The following TRPC3 variants were observed in gnomAD, a reference collection of about 807,000 sequenced individuals.
TRPC3 encodes short transient receptor potential channel 3.
Under a neutral mutation model 90.9 loss-of-function variants are expected in TRPC3, and 54 were observed. That is an observed-to-expected ratio of 0.59 (90% CI 0.48 to 0.75). The LOEUF is 0.75. Among genes scored for constraint, TRPC3 ranks in the 30% least tolerant of loss-of-function variants. The pLI is 0.00. For synonymous variants in TRPC3, 424 were observed against 450.9 expected, an observed-to-expected ratio of 0.94 and a Z score of 0.75; for missense variants, 918 against 1,194.5, an observed-to-expected ratio of 0.77 and a Z score of 3.41.
At chr4:121,924,917 G>T in intron 3 of TRPC3, 101 bp downstream of exon 3, 1 of 1,287,018 alleles carries the variant, frequency 7.8e-7, no homozygotes. Flanking sequence ...CAGCCTACTA[G>T]CGTCTAGTCT....
chr4:121,890,103 T>A (rs1305592560), intron 10 of TRPC3, among the ~76,000 whole-genome samples: 2 of 152,178 alleles, frequency 1.3e-5, no homozygotes, highest in Non-Finnish European at 2.9e-5. Flanking sequence ...ATATGTGACA[T>A]CTTAAAAAGT....
At chr4:121,898,884 CTT>C (rs1230791299) in intron 10 of TRPC3, among the ~76,000 whole-genome samples, 1 of 151,910 alleles carries the variant, frequency 6.6e-6, no homozygotes, top group Non-Finnish European at 1.5e-5. Flanking sequence ...AAAAAAAAGA[CTT>C]TGACAATCAG....
At position 121,914,961 on chromosome 4, in the gene TRPC3, A is replaced by AGTTTGAGAAGG. The variant is rs778103857; in HGVS notation, c.1177-28_1177-18dup. 2.5e-6 allele frequency: 4 copies of AGTTTGAGAAGG among 1,579,316 alleles called. No individual in the cohort carries two copies. On this transcript the variant is annotated splice_polypyrimidine_tract_variant and intron_variant, in intron 3 of 11. Coordinates refer to ENST00000379645, the MANE Select transcript of TRPC3 (RefSeq NM_001130698.2). The stretch of plus-strand genomic sequence containing the variant: ...AGCCACAAACTATTGGGAGAGAGAG[A>AGTTTGAGAAGG]GTTTGAGAAGGGGAGAGAAAGGTAA...
chr4:121,921,113 G>A lies in TRPC3; in HGVS notation c.1176+3905C>T, dbSNP rs541686920. Among the ~76,000 whole-genome samples the A allele has an allele frequency of 2.1e-4, 32 of 152,238 alleles. 1 individual carries two copies. In the South Asian group the frequency reaches 2.3e-3, roughly 11 times the overall value. On this transcript the variant is annotated intron_variant, in intron 3 of 11. Transcript: ENST00000379645. ...TGTCCTTGAGTTCTGTAAGGCCTGT[G>A]TTGAACTCATGCCTTGATTTCTAGG...
chr4:121,935,370 T>C (rs1057378035), intron 1 of TRPC3, among the ~76,000 whole-genome samples: 3 of 151,506 alleles, frequency 2.0e-5, no homozygotes, highest in African/African-American at 4.9e-5. Flanking sequence ...GTGTGGTATG[T>C]GTGGGAGACA....
intron 10 of TRPC3, 34 bp downstream of exon 10, chr4:121,899,576 CAT>C (rs1224634545): frequency 2.6e-6 from 4 of 1,550,826 alleles, no homozygotes; most frequent in Non-Finnish European, 3.6e-6. Context: ...TATGGAATCA[CAT>C]AGAGATCAAG....
intron 3 of TRPC3, among the ~76,000 whole-genome samples, chr4:121,921,042 T>C (rs1319866008): frequency 6.6e-6 from 1 of 152,220 alleles, no homozygotes; most frequent in Non-Finnish European, 1.5e-5. Context: ...TTCACGGTCA[T>C]GTATCTCCTA....
intron 10 of TRPC3, among the ~76,000 whole-genome samples, chr4:121,890,724 G>C (rs556482622): frequency 2.6e-5 from 4 of 151,936 alleles, no homozygotes; most frequent in African/African-American, 9.7e-5. Flanking sequence ...AGGTGCAGTG[G>C]CTCATGCCTG....
chr4:121,933,332 T>TG, intron 1 of TRPC3: 1 of 322,762 alleles, frequency 3.1e-6, no homozygotes, highest in Middle Eastern at 9.0e-4. Context: ...CATATACCCA[T>TG]GCCTTCCTTG....
chr4:121,948,845 T>TTG (rs1233845937), intron 1 of TRPC3, among the ~76,000 whole-genome samples: 1 of 137,114 alleles, frequency 7.3e-6, no homozygotes, highest in Non-Finnish European at 1.5e-5. Context: ...TTGCGGTTTT[T>TTG]TTTTTGTTTT....
At chr4:121,897,559 T>G (rs886188707) in intron 10 of TRPC3, among the ~76,000 whole-genome samples, 40 of 142,262 alleles carry the variant, frequency 2.8e-4, no homozygotes, top group Non-Finnish European at 6.1e-5. Context: ...AAATGGTCAA[T>G]GATATATGAA....
Position 121,932,248 on chromosome 4 carries a change from C to T in TRPC3, c.987+23G>A. On this transcript the variant is annotated intron_variant, in intron 2 of 11. Coordinates refer to ENST00000379645, the MANE Select transcript of TRPC3 (RefSeq NM_001130698.2). This position sits in a 1 kb window ranked among gnomAD's most constrained non-coding sequence, Gnocchi z 7.7. ...GAAGTTGGGTGAGCACACAGAGCAG[C>T]CGGGGTAGAGCGCAAAGCTTACCTT... 1 of 1,606,570 alleles carries T rather than the reference C, an allele frequency of 6.2e-7. No individual in the cohort carries two copies. Among genetic ancestry groups the T allele is most frequent in the Non-Finnish European group, 8.5e-7 (1 of 1,174,910 alleles).
chr4:121,944,121 C>A (rs1025405437), intron 1 of TRPC3, among the ~76,000 whole-genome samples: 27 of 152,152 alleles, frequency 1.8e-4, no homozygotes, highest in Non-Finnish European at 3.4e-4. Context: ...GTTCACCCAG[C>A]ACAGCCCACT....
chr4:121,887,907 A>G (rs1274150602), intron 10 of TRPC3, among the ~76,000 whole-genome samples: 24 of 152,210 alleles, frequency 1.6e-4, no homozygotes, highest in Non-Finnish European at 2.9e-5. Flanking sequence ...CCAGTTAAAA[A>G]AAATTCTTTA....
At position 121,907,467 on chromosome 4, in the gene TRPC3, A is replaced by C; in HGVS notation, c.1893T>G (p.Pro631=). The change falls in exon 7 of 12, where the codon CCT becomes CCG. Residue 631 remains proline, a synonymous_variant. Transcript: ENST00000379645. ...LSFSRIAYIL[P]ANESFGPLQI... ...GCAGGGGGCCAAAGCTCTCATTTGC[A>C]GGGAGGATGTACGCAATCCGAGAGA... The C allele has an allele frequency of 6.2e-7, 1 of 1,613,430 alleles. No homozygotes were observed. The highest frequency in any genetic ancestry group is 8.5e-7 in the Non-Finnish European group (1 of 1,179,546).
chr4:121,882,212 C>T (rs1727967779), intron 11 of TRPC3, 142 bp downstream of exon 11: 4 of 632,540 alleles, frequency 6.3e-6, no homozygotes, highest in East Asian at 3.1e-5. Flanking sequence ...GTTTTAGAAA[C>T]GTAACATAAG....
chr4:121,934,262 A>C (rs1730056100), intron 1 of TRPC3, among the ~76,000 whole-genome samples: 1 of 152,212 alleles, frequency 6.6e-6, no homozygotes, highest in African/African-American at 2.4e-5. Flanking sequence ...TCATGAATAA[A>C]AAGCTTTTTC....
chr4:121,940,494 C>T (rs928353278), intron 1 of TRPC3, among the ~76,000 whole-genome samples: 3 of 152,190 alleles, frequency 2.0e-5, no homozygotes, highest in Non-Finnish European at 2.9e-5. Flanking sequence ...CCTTTTACAC[C>T]TACCTCCAGG....
chr4:121,902,595 A>C (rs1189571429), intron 9 of TRPC3, among the ~76,000 whole-genome samples: 1 of 152,206 alleles, frequency 6.6e-6, no homozygotes, highest in Non-Finnish European at 1.5e-5. Context: ...GGTTACTTTT[A>C]ACAAGTTAAA....
Sources: allele counts gnomAD v4.1 joint callset (sites outside exome capture counted in the v4.1 genomes callset), GRCh38; gene constraint gnomAD v4.1.1; non-coding constraint Gnocchi (gnomAD v3.1); transcripts MANE v1.5; gene names NCBI Gene and HGNC (gene_info 2026-07-23, HGNC 2026-07-21).